Variants in EPRS1 observed in about 807,000 individuals in gnomAD.
EPRS1 encodes the protein glutamyl-prolyl-tRNA synthetase 1.
A neutral mutation model predicts 188.3 loss-of-function variants in EPRS1; 107 were observed. That is an observed-to-expected ratio of 0.57 (90% CI 0.49 to 0.67). The LOEUF (loss-of-function observed/expected upper bound fraction) is 0.67, where lower values mean the gene tolerates loss of function less well. EPRS1 is among the 30% of genes least tolerant of loss of function. EPRS1 has a pLI of 0.00. For missense variants in EPRS1, 1,577 were observed against 1,802.2 expected, an observed-to-expected ratio of 0.88 and a Z score of 2.26; for synonymous variants, 596 against 593.1, an observed-to-expected ratio of 1.00 and a Z score of -0.07.
chr1:220,019,563 C>T (rs1413019056), intron 10 of EPRS1, among the ~76,000 whole-genome samples: 1 of 152,184 alleles, frequency 6.6e-6, no homozygotes, highest in South Asian at 2.1e-4. Flanking sequence ...GCAGTAATAC[C>T]CTTTTCATGG....
chr1:219,982,869 T>C (rs769593742), intron 22 of EPRS1, 25 bp from the exon 23 acceptor site: 1 of 1,607,318 alleles, frequency 6.2e-7, no homozygotes, highest in East Asian at 2.2e-5. Context: ...TCATTTTTCA[T>C]ACTTTTTTTT....
At chr1:220,004,140 G>T (rs11118483) in intron 16 of EPRS1, among the ~76,000 whole-genome samples, 1 of 151,930 alleles carries the variant, frequency 6.6e-6, no homozygotes, top group Non-Finnish European at 1.5e-5. Context: ...CAATCCTGCC[G>T]CCTCACCTGC....
chr1:220,036,596 T>C (rs1463387586), intron 2 of EPRS1, among the ~76,000 whole-genome samples: 1 of 151,312 alleles, frequency 6.6e-6, no homozygotes, highest in African/African-American at 2.4e-5. Context: ...GAAAACCAAA[T>C]ACTGCATTCT....
chr1:220,040,348 G>T lies in EPRS1; in HGVS notation c.47-79C>A, dbSNP rs1662268714. ...ACTTGAATCATAAAGCAATCAGGAT[G>T]AGTCAACAAACCAATATTAAGTCCT... On this transcript the variant is annotated intron_variant, in intron 1 of 31. Transcript: ENST00000366923. 3.1e-6 allele frequency: 3 copies of T among 958,392 alleles called. No individual in the cohort carries two copies. In the African/African-American group the frequency reaches 4.9e-5, roughly 16 times the overall value. 59.4% of individuals were successfully genotyped at this position (958,392 alleles called of 1,614,324 possible).
intron 6 of EPRS1, among the ~76,000 whole-genome samples, chr1:220,025,560 A>T (rs1661955840): frequency 6.6e-6 from 1 of 152,126 alleles, no homozygotes; most frequent in South Asian, 2.1e-4. Context: ...TTTTTATCAA[A>T]AAGAATGATC....
Position 219,997,358 on chromosome 1 carries a change from A to G in EPRS1, c.2182-16T>C. 6.5e-7 allele frequency: 1 copy of G among 1,527,506 alleles called. No homozygotes were observed. Among genetic ancestry groups the G allele is most frequent in the Non-Finnish European group, 8.8e-7 (1 of 1,140,266 alleles). The allele number at this position is 1,527,506 out of a possible 1,614,324, so 94.6% of individuals were successfully genotyped here. A position where few individuals can be genotyped will look rare whatever the true frequency, so the allele number is the denominator to read the frequency against. On this transcript the variant is annotated splice_polypyrimidine_tract_variant and intron_variant, in intron 17 of 31. Transcript: ENST00000366923. ...GAGCAGAGGTCTACCAAGAGAGAAA[A>G]CCAAAAGTAAAATAATTAATTCATA...
chr1:220,019,315 C>T (rs1489268016), intron 10 of EPRS1, among the ~76,000 whole-genome samples: 15 of 151,706 alleles, frequency 9.9e-5, no homozygotes, highest in Non-Finnish European at 1.2e-4. Context: ...AGTAGAAGCA[C>T]ATTTGAAAAA....
intron 16 of EPRS1, among the ~76,000 whole-genome samples, chr1:220,003,584 T>G (rs1661401588): frequency 6.6e-6 from 1 of 152,220 alleles, no homozygotes; most frequent in Non-Finnish European, 1.5e-5. Context: ...GTATATGATA[T>G]GAGAAAGTGC....
intron 29 of EPRS1, 100 bp from the exon 30 acceptor site, chr1:219,972,247 A>G: frequency 1.5e-6 from 1 of 663,432 alleles, no homozygotes. Context: ...ACAACCTGGG[A>G]GTGAGAAGGA....
chr1:220,019,221 CA>C, intron 10 of EPRS1, 142 bp from the exon 11 acceptor site: 1 of 609,038 alleles, frequency 1.6e-6, no homozygotes, highest in Non-Finnish European at 2.9e-6. Flanking sequence ...AGGTAGTATG[CA>C]ATACTAGTGA....
chr1:219,971,141 G>T (rs1195604770), intron 30 of EPRS1, among the ~76,000 whole-genome samples: 1 of 152,006 alleles, frequency 6.6e-6, no homozygotes, highest in Non-Finnish European at 1.5e-5. Flanking sequence ...GTATAGTTTG[G>T]GGTATTCATT....
intron 1 of EPRS1, among the ~76,000 whole-genome samples, chr1:220,041,296 C>A (rs1037027956): frequency 6.6e-6 from 1 of 151,484 alleles, no homozygotes. Context: ...TGCACCACTG[C>A]GTTCCTGCCT....
intron 16 of EPRS1, 66 bp from the exon 17 acceptor site, chr1:220,001,321 T>C (rs1019732185): frequency 3.1e-5 from 28 of 897,968 alleles, no homozygotes; most frequent in Non-Finnish European, 5.0e-5. Flanking sequence ...CAATAAACAC[T>C]GAATTCCTAG....
chr1:219,971,816 T>A (rs1660673127), intron 30 of EPRS1, among the ~76,000 whole-genome samples: 1 of 69,202 alleles, frequency 1.4e-5, no homozygotes, highest in African/African-American at 5.0e-5. Context: ...ACACACTATA[T>A]TTATATATGA....
chr1:220,024,638 A>T lies in EPRS1; in HGVS notation c.751-182T>A, dbSNP rs533974623. 2.6e-5 allele frequency among the ~76,000 whole-genome samples: 4 copies of T among 152,332 alleles called. No homozygotes were observed. In the South Asian group the frequency reaches 8.3e-4, roughly 32 times the overall value. The stretch of plus-strand genomic sequence containing the variant: ...GAAAAAACAGATAGATACTCATTAT[A>T]TTAGCCTCCAAATTTCCAGCTGAGA... On this transcript the variant is annotated intron_variant, in intron 7 of 31. Coordinates refer to ENST00000366923, the MANE Select transcript of EPRS1 (RefSeq NM_004446.3).
chr1:220,002,006 G>A (rs528622084), intron 16 of EPRS1, among the ~76,000 whole-genome samples: 11 of 151,462 alleles, frequency 7.3e-5, no homozygotes, highest in African/African-American at 1.7e-4. Context: ...TCCAGCCTGC[G>A]TGACAGAGTG....
In EPRS1 at chr1:220,006,324, G is replaced by T. The variant is rs199605054; in HGVS notation, c.1743-11C>A. 2.2e-6 allele frequency: 3 copies of T among 1,377,576 alleles called. No homozygotes were observed. Among genetic ancestry groups the T allele is most frequent in the East Asian group, 5.0e-5 (2 of 39,724 alleles). The allele number at this position is 1,377,576 out of a possible 1,614,324, so 85.3% of individuals were successfully genotyped here. A position where few individuals can be genotyped will look rare whatever the true frequency, so the allele number is the denominator to read the frequency against. On this transcript the variant is annotated splice_polypyrimidine_tract_variant and intron_variant, in intron 14 of 31. Coordinates refer to ENST00000366923, the MANE Select transcript of EPRS1 (RefSeq NM_004446.3). ...TTTCCATCTGCATTTCTAGATATAA[G>T]ATTAAAAGTATTCAAAGAAATATTA...
chr1:220,032,701 G>A (rs1035917000), intron 4 of EPRS1, among the ~76,000 whole-genome samples, 175 bp from the exon 5 acceptor site: 55 of 152,230 alleles, frequency 3.6e-4, no homozygotes, highest in African/African-American at 1.2e-3. Flanking sequence ...AGCTCTCTGT[G>A]TCCATGGGTT....
At chr1:220,042,853 A>G (rs1343150562) in intron 1 of EPRS1, among the ~76,000 whole-genome samples, 2 of 151,862 alleles carry the variant, frequency 1.3e-5, no homozygotes, top group African/African-American at 4.8e-5. Context: ...ACTGGGAGGC[A>G]GAGGTTTCAG....
Sources: gnomAD v4.1 joint callset for allele counts (sites outside exome capture counted in the v4.1 genomes callset) on GRCh38, gnomAD v4.1.1 for gene constraint, MANE v1.5 for transcripts, NCBI Gene and HGNC (gene_info 2026-07-23, HGNC 2026-07-21) for gene names.